Variants in ACYP2 observed in about 807,000 individuals in gnomAD.
ACYP2 encodes acylphosphatase-2.
In ACYP2, 12 loss-of-function variants were observed where a neutral mutation model predicts 11.2. That is an observed-to-expected ratio of 1.08 (90% CI 0.69 to 1.74). ACYP2 has a LOEUF of 1.74. ACYP2 is among the 40% of genes most tolerant of loss of function. ACYP2 has a pLI of 0.00. For missense variants in ACYP2, 134 were observed against 101.9 expected, an observed-to-expected ratio of 1.31 and a Z score of -1.35; for synonymous variants, 43 against 32.2, an observed-to-expected ratio of 1.33 and a Z score of -1.13.
chr2:53,972,532 G>A lies in ACYP2; in HGVS notation c.-36-1181G>A, dbSNP rs533090236. Among the ~76,000 whole-genome samples the A allele has an allele frequency of 1.4e-3, 214 of 152,240 alleles. 1 individual carries two copies. Among genetic ancestry groups the A allele is most frequent in the Non-Finnish European group, 2.5e-3 (169 of 68,002 alleles). ...TGAGGCAGGAGAATGGCGTGAATCC[G>A]GGAGATGGAGCTTGCAGTGAGCCGA... On this transcript the variant is annotated intron_variant, in intron 1 of 6. Coordinates refer to ENST00000607452, the MANE Select transcript of ACYP2 (RefSeq NM_001320586.2).
chr2:53,973,991 C>G (rs1284889531), intron 2 of ACYP2, among the ~76,000 whole-genome samples: 1 of 150,054 alleles, frequency 6.7e-6, no homozygotes, highest in Non-Finnish European at 1.5e-5. Flanking sequence ...ACTGCAATCT[C>G]CGCCTCCGGG....
intron 3 of ACYP2, among the ~76,000 whole-genome samples, chr2:54,054,625 C>T (rs1363062): frequency 0.56 from 84,738 of 152,010 alleles, 23,981 homozygotes; most frequent in East Asian, 0.72. Flanking sequence ...TTCTCCAGTG[C>T]TCCTTAAAGA....
rs998556721 is a variant in ACYP2 at position 54,239,155 on chromosome 2, T to C, written c.405-65533T>C. Among the ~76,000 whole-genome samples the C allele has an allele frequency of 6.6e-5, 10 of 151,776 alleles. 1 individual carries two copies. The highest frequency in any genetic ancestry group is 5.8e-4 in the East Asian group (3 of 5,172). On this transcript the variant is annotated intron_variant, in intron 6 of 6. Coordinates refer to ENST00000607452, the MANE Select transcript of ACYP2 (RefSeq NM_001320586.2). ...CAGAGCTACTTGATGAGAGAAAGTC[T>C]TGACTCTGCTAATAATGTTTTTACC...
At chr2:54,195,133 C>T (rs946112828) in intron 6 of ACYP2, among the ~76,000 whole-genome samples, 4 of 152,144 alleles carry the variant, frequency 2.6e-5, no homozygotes, top group Non-Finnish European at 4.4e-5. Flanking sequence ...GTGCATCTGC[C>T]TACAGGGTGT....
chr2:54,136,675 T>C (rs971491294), intron 5 of ACYP2, among the ~76,000 whole-genome samples: 4 of 152,148 alleles, frequency 2.6e-5, no homozygotes, highest in Non-Finnish European at 4.4e-5. Flanking sequence ...GAGAAGAGTA[T>C]GTTTTTGAAA....
chr2:54,111,589 G>T (rs1230895647), intron 4 of ACYP2, among the ~76,000 whole-genome samples: 1 of 152,236 alleles, frequency 6.6e-6, no homozygotes, highest in Non-Finnish European at 1.5e-5. Context: ...TAAGATTAAA[G>T]CCTCTTCTGG....
chr2:54,162,694 G>A (rs1462692553), intron 6 of ACYP2, among the ~76,000 whole-genome samples: 13 of 152,152 alleles, frequency 8.5e-5, no homozygotes, highest in African/African-American at 2.9e-4. Context: ...GGCCAGGCAT[G>A]GTGGCTCACC....
rs113083613 is a variant in ACYP2, at chr2:54,183,853, T to C, written c.404+45105T>C. On this transcript the variant is annotated intron_variant, in intron 6 of 6. Transcript: ENST00000607452. ...TATTTTCATGAAAATAAAATTATTC[T>C]TAATTTTAGTGCTAAGTGATCATCT... 6.2e-4 allele frequency among the ~76,000 whole-genome samples: 95 copies of C among 152,304 alleles called. 2 individuals carry two copies. The highest frequency in any genetic ancestry group is 2.2e-3 in the African/African-American group (91 of 41,576).
chr2:54,209,389 G>C (rs960195158), intron 6 of ACYP2, among the ~76,000 whole-genome samples: 2 of 152,106 alleles, frequency 1.3e-5, no homozygotes, highest in African/African-American at 4.8e-5. Context: ...CTTATTCAGA[G>C]AGCCTCCTCC....
At chr2:54,252,200 A>G (rs1314805887) in intron 6 of ACYP2, among the ~76,000 whole-genome samples, 2 of 152,236 alleles carry the variant, frequency 1.3e-5, no homozygotes, top group East Asian at 3.8e-4. Flanking sequence ...TCTTACATCC[A>G]ACAACATATT....
At chr2:54,275,265 G>T (rs1186497028) in intron 6 of ACYP2, among the ~76,000 whole-genome samples, 1 of 152,182 alleles carries the variant, frequency 6.6e-6, no homozygotes, top group Non-Finnish European at 1.5e-5. Flanking sequence ...AAAGCAGCCA[G>T]ACTAATATGA....
At chr2:54,200,652 T>A (rs1234417468) in intron 6 of ACYP2, among the ~76,000 whole-genome samples, 1 of 152,240 alleles carries the variant, frequency 6.6e-6, no homozygotes, top group Non-Finnish European at 1.5e-5. Context: ...GATCCATTCA[T>A]CAGTTGATGG....
intron 4 of ACYP2, among the ~76,000 whole-genome samples, chr2:54,085,489 A>G (rs570900786): frequency 6.6e-6 from 1 of 152,196 alleles, no homozygotes; most frequent in South Asian, 2.1e-4. Flanking sequence ...TTAAATGTGT[A>G]TATAGCTCAC....
chr2:54,166,604 C>T (rs1349108249), intron 6 of ACYP2, among the ~76,000 whole-genome samples: 2 of 152,190 alleles, frequency 1.3e-5, no homozygotes, highest in African/African-American at 4.8e-5. Flanking sequence ...CACATCTGTC[C>T]TTGTGAAATA....
intron 6 of ACYP2, among the ~76,000 whole-genome samples, chr2:54,222,458 G>A (rs1456628658): frequency 6.6e-6 from 1 of 151,214 alleles, no homozygotes; most frequent in African/African-American, 2.4e-5. Flanking sequence ...GCTGAGGCAT[G>A]AGCATTGCTT....
intron 6 of ACYP2, among the ~76,000 whole-genome samples, chr2:54,251,066 G>C (rs967846211): frequency 6.6e-6 from 1 of 152,152 alleles, no homozygotes; most frequent in Non-Finnish European, 1.5e-5. Flanking sequence ...TTGGCTGGAA[G>C]ATAAAAAATG....
intron 6 of ACYP2, among the ~76,000 whole-genome samples, chr2:54,260,511 GAA>G (rs541397584): frequency 1.5e-3 from 231 of 152,266 alleles, no homozygotes; most frequent in Non-Finnish European, 2.8e-3. Flanking sequence ...AAGGGCAAGA[GAA>G]TAATTATAAT....
intron 4 of ACYP2, among the ~76,000 whole-genome samples, chr2:54,091,541 T>G (rs1476149102): frequency 3.4e-5 from 5 of 147,546 alleles, no homozygotes; most frequent in African/African-American, 1.3e-4. Context: ...TGAGACAGAG[T>G]CTCACTCTGT....
At chr2:54,165,861 A>G (rs1682946591) in intron 6 of ACYP2, among the ~76,000 whole-genome samples, 1 of 152,130 alleles carries the variant, frequency 6.6e-6, no homozygotes, top group African/African-American at 2.4e-5. Flanking sequence ...TAAATCAATG[A>G]TTACCGGCCA....
Sources: allele counts gnomAD v4.1 joint callset (sites outside exome capture counted in the v4.1 genomes callset), GRCh38; gene constraint gnomAD v4.1.1; transcripts MANE v1.5; gene names NCBI Gene and HGNC (gene_info 2026-07-23, HGNC 2026-07-21).